The following CILP2 variants were observed in gnomAD, a reference collection of about 807,000 sequenced individuals.
CILP2 encodes the protein CILP-2.
A neutral mutation model predicts 45.6 loss-of-function variants in CILP2; 38 were observed. The ratio of observed to expected loss-of-function variants is 0.83; its 90% CI spans 0.64 to 1.09. The LOEUF (loss-of-function observed/expected upper bound fraction) is 1.09. Among genes scored for constraint, CILP2 ranks in the 50% least tolerant of loss-of-function variants. The pLI is 0.00. For missense variants in CILP2, 1,735 were observed against 1,662.2 expected, an observed-to-expected ratio of 1.04 and a Z score of -0.76; for synonymous variants, 780 against 723.5, an observed-to-expected ratio of 1.08 and a Z score of -1.25.
Position 19,545,286 on chromosome 19 carries a change from T to C in CILP2, c.2741T>C (p.Phe914Ser). 6.2e-7 allele frequency: 1 copy of C among 1,612,962 alleles called. No individual in the cohort carries two copies. Residue 914 changes from phenylalanine to serine, a missense_variant, in exon 8 of 8, where the codon TTC (phenylalanine) becomes TCC (serine). Coordinates refer to ENST00000291495, the MANE Select transcript of CILP2 (RefSeq NM_153221.2). Reference sequence around the variant, plus strand: ...AAGTACGAGTACAACGTGGTCCCCTTCCGAGAGGGCACACCTGCCTCCTGG... The same window carrying C: ...AAGTACGAGTACAACGTGGTCCCCTCCCGAGAGGGCACACCTGCCTCCTGG... ...ADKYEYNVVP[F>S]REGTPASWTG...
rs1472767769 is a variant in CILP2, at chr19:19,544,667, C to T, written c.2122C>T (p.Arg708Cys). The T allele has an allele frequency of 1.3e-6, 2 of 1,559,016 alleles. No homozygotes were observed. Among genetic ancestry groups the T allele is most frequent in the Non-Finnish European group, 1.7e-6 (2 of 1,160,234 alleles). ...RREGSSGPRV[R>C]REERVFLVGN... ...CGAGGGGTCCTCGGGCCCCCGGGTG[C>T]GCCGGGAGGAGCGCGTCTTCCTGGT... The change falls in exon 8 of 8, where the codon CGC (arginine) becomes TGC (cysteine). Residue 708 changes from arginine (R) to cysteine (C), a missense_variant. Coordinates refer to ENST00000291495, the MANE Select transcript of CILP2 (RefSeq NM_153221.2).
chr19:19,544,498 C>T lies in CILP2; in HGVS notation c.1953C>T (p.Gly651=). The T allele has an allele frequency of 6.2e-7, 1 of 1,602,486 alleles. No individual in the cohort carries two copies. The highest frequency in any genetic ancestry group is 8.5e-7 in the Non-Finnish European group (1 of 1,177,992). Residue 651 remains glycine (G), a synonymous_variant, in exon 8 of 8, where the codon GGC becomes GGT. Transcript: ENST00000291495. The stretch of plus-strand genomic sequence containing the variant: ...TCTCCGTGGACCTCCGTGCGCCCGG[C>T]TCCGCGGAGCAGCTGCAGGTGGGGC... ...GMFSVDLRAP[G]SAEQLQVGPV... is the part of the protein sequence containing the mutation.
At position 19,541,215 on chromosome 19, in the gene CILP2, G is replaced by T; in HGVS notation, c.561G>T (p.Glu187Asp). ...AGDACPGRPLEAQKCVRPRCP... is the reference protein window; with the variant it reads ...AGDACPGRPLDAQKCVRPRCP... The stretch of plus-strand genomic sequence containing the variant: ...ATGCGTGTCCCGGGCGTCCTCTGGA[G>T]GCGCAGAAGTGCGTGCGGCCTCGGT... Residue 187 changes from glutamate (E) to aspartate (D), a missense_variant, in exon 4 of 8, where the codon GAG becomes GAT. Transcript: ENST00000291495. 1 of 1,282,804 alleles carries T rather than the reference G, an allele frequency of 7.8e-7. No individual in the cohort carries two copies. Among genetic ancestry groups the T allele is most frequent in the Non-Finnish European group, 9.9e-7 (1 of 1,013,656 alleles). The allele number at this position is 1,282,804 out of a possible 1,614,324, so 79.5% of individuals were successfully genotyped here.
At chr19:19,542,713 TCG>T (rs2061248966) in intron 5 of CILP2, 63 bp downstream of exon 5, 1 of 1,495,242 alleles carries the variant, frequency 6.7e-7, no homozygotes. Context: ...GTTCTAGCAC[TCG>T]ATCAAGAGAG....
chr19:19,543,740 G>T lies in CILP2; in HGVS notation c.1195G>T (p.Asp399Tyr), dbSNP rs1446082232. The change falls in exon 8 of 8, where the codon GAC becomes TAC. Residue 399 changes from aspartate (D) to tyrosine (Y), a missense_variant. By Grantham distance (160) the Asp-to-Tyr change is radical. Transcript: ENST00000291495. ...AGAGTACCTGATCAAGCTCCCTGAG[G>T]ACTGTGGTCAGCCAGGTAGTGGCCC... The part of the protein sequence containing the change: ...PREYLIKLPE[D>Y]CGQPGSGPAY... 1.2e-6 allele frequency: 2 copies of T among 1,613,202 alleles called. No individual in the cohort carries two copies. Among genetic ancestry groups the T allele is most frequent in the Non-Finnish European group, 1.7e-6 (2 of 1,179,518 alleles).
At chr19:19,539,882 C>G in intron 2 of CILP2, 105 bp downstream of exon 2, 1 of 925,164 alleles carries the variant, frequency 1.1e-6, no homozygotes, top group Middle Eastern at 3.6e-4. Flanking sequence ...AGACGAAGGG[C>G]CCGGCGCCGT....
intron 3 of CILP2, 173 bp from the exon 4 acceptor site, chr19:19,540,918 C>A (rs1162653417): frequency 3.6e-6 from 2 of 563,172 alleles, no homozygotes; most frequent in Non-Finnish European, 5.3e-6. Context: ...CTTCGACAGG[C>A]GCGCCTAGGG....
chr19:19,538,339 C>T lies in CILP2; in HGVS notation c.-11C>T, dbSNP rs1375551096. On this transcript the variant is annotated 5_prime_UTR_variant, in exon 1 of 8. Coordinates refer to ENST00000291495, the MANE Select transcript of CILP2 (RefSeq NM_153221.2). Reference sequence around the variant, plus strand: ...GAGCCCGGACCCTCCCTCGGACGCTCTGCCCCGGCCATGGCGTCGCTGCTG... The same window carrying T: ...GAGCCCGGACCCTCCCTCGGACGCTTTGCCCCGGCCATGGCGTCGCTGCTG... 1.3e-6 allele frequency: 2 copies of T among 1,576,856 alleles called. No homozygotes were observed. Among genetic ancestry groups the T allele is most frequent in the East Asian group, 2.4e-5 (1 of 42,016 alleles).
rs568789103 is a variant in CILP2, at chr19:19,545,010, C to G, written c.2465C>G (p.Pro822Arg). The change falls in exon 8 of 8, where the codon CCT becomes CGT. Residue 822 changes from proline to arginine, a missense_variant. Transcript: ENST00000291495. ...GGCGGCGAGGAGCTGGAGCCGGCCC[C>G]TTCCTTGCCCCGCCCACTCCCGGCC... Reference protein sequence around the residue: ...TLGGEELEPAPSLPRPLPATV... With the variant: ...TLGGEELEPARSLPRPLPATV... 2 of 1,603,882 alleles carry G rather than the reference C, an allele frequency of 1.2e-6. No homozygotes were observed. Among genetic ancestry groups the G allele is most frequent in the Non-Finnish European group, 1.7e-6 (2 of 1,178,756 alleles).
chr19:19,545,112 G>A lies in CILP2; in HGVS notation c.2567G>A (p.Arg856His), dbSNP rs776481912. 6.8e-6 allele frequency: 11 copies of A among 1,611,936 alleles called. No homozygotes were observed. Among genetic ancestry groups the A allele is most frequent in the South Asian group, 4.4e-5 (4 of 91,002 alleles). ...GACCACGACGATCCCGCCTTCAAGC[G>A]TAACGGCTTCCGCATCAACCTCGCC... ...RTDHDDPAFK[R>H]NGFRINLAKP... Residue 856 changes from arginine (R) to histidine (H), a missense_variant, in exon 8 of 8, where the codon CGT (arginine) becomes CAT (histidine). By Grantham distance (29) the Arg-to-His change is conservative (BLOSUM62 0). Transcript: ENST00000291495.
chr19:19,540,975 C>T, intron 3 of CILP2, 116 bp from the exon 4 acceptor site: 6 of 976,216 alleles, frequency 6.1e-6, no homozygotes, highest in Non-Finnish European at 8.0e-6. Context: ...GAGTGTCCGC[C>T]CTTGGATGCA....
At position 19,540,087 on chromosome 19, in the gene CILP2, G is replaced by C. The variant is rs1211824401; in HGVS notation, c.164-117G>C. ...GGCCGCTGGCTCGGGTCGTGGGCGCGCTCGGCTAGCCGGTGCCCACCGGGG... is the reference window on the plus strand; with the variant it reads ...GGCCGCTGGCTCGGGTCGTGGGCGCCCTCGGCTAGCCGGTGCCCACCGGGG... On this transcript the variant is annotated intron_variant, in intron 2 of 7. Coordinates refer to ENST00000291495, the MANE Select transcript of CILP2 (RefSeq NM_153221.2). The C allele has an allele frequency of 3.0e-6, 4 of 1,343,502 alleles. No homozygotes were observed. The East Asian group carries it at 1.1e-4, about 37-fold the overall frequency. 83.2% of individuals were successfully genotyped at this position (1,343,502 alleles called of 1,614,324 possible).
chr19:19,543,528 C>T, intron 7 of CILP2, 123 bp downstream of exon 7: 2 of 1,363,706 alleles, frequency 1.5e-6, no homozygotes, highest in East Asian at 2.3e-5. Context: ...CTCCACTGAG[C>T]CCCCATACCA....
rs752963534 is a variant in CILP2, at chr19:19,545,838, C to T, written c.3293C>T (p.Thr1098Ile). The change falls in exon 8 of 8, where the codon ACA becomes ATA. Residue 1098 changes from threonine to isoleucine, a missense_variant. Coordinates refer to ENST00000291495, the MANE Select transcript of CILP2 (RefSeq NM_153221.2). ...FSREMKADAG[T>I]AVTFQCREPP... ...AGAGAGATGAAGGCTGATGCCGGCA[C>T]AGCCGTCACCTTCCAGTGCCGGGAG... is the stretch of plus-strand genomic sequence containing the variant. 9 of 1,583,866 alleles carry T rather than the reference C, an allele frequency of 5.7e-6. No homozygotes were observed. The East Asian group carries it at 6.8e-5, about 12-fold the overall frequency.
rs1429102348 is a variant in CILP2 at position 19,544,411 on chromosome 19, C to T, written c.1866C>T (p.Pro622=). 1.2e-6 allele frequency: 2 copies of T among 1,610,578 alleles called. No individual in the cohort carries two copies. The highest frequency in any genetic ancestry group is 1.1e-5 in the South Asian group (1 of 91,016). The change falls in exon 8 of 8, where the codon CCC becomes CCT. Residue 622 remains proline, a synonymous_variant. Transcript: ENST00000291495. ...ACCTCACCTCGGCGGCGTCTGCCCC[C>T]AGTGACCTGCGCTTCGTGGACAGCG... is the stretch of plus-strand genomic sequence containing the variant. ...PRDLTSAASA[P]SDLRFVDSDG... is the part of the protein sequence containing the mutation.
rs765982357 is a variant in CILP2 at position 19,544,920 on chromosome 19, G to A, written c.2375G>A (p.Cys792Tyr). 1.9e-6 allele frequency: 3 copies of A among 1,590,010 alleles called. No individual in the cohort carries two copies. The highest frequency in any genetic ancestry group is 2.6e-6 in the Non-Finnish European group (3 of 1,175,872). Residue 792 changes from cysteine to tyrosine, a missense_variant, in exon 8 of 8, where the codon TGC becomes TAC. Physicochemically the swap from Cys to Tyr is radical, Grantham distance 194. Coordinates refer to ENST00000291495, the MANE Select transcript of CILP2 (RefSeq NM_153221.2). ...DSAVTGPNGA[C>Y]LPAFCDADRP... ...GCGGTCACCGGCCCCAATGGCGCCTGCCTCCCCGCCTTCTGCGACGCCGAC... is the reference window on the plus strand; with the variant it reads ...GCGGTCACCGGCCCCAATGGCGCCTACCTCCCCGCCTTCTGCGACGCCGAC...
At position 19,544,160 on chromosome 19, in the gene CILP2, C is replaced by T. The variant is rs1185186437; in HGVS notation, c.1615C>T (p.Pro539Ser). 3.1e-6 allele frequency: 5 copies of T among 1,613,632 alleles called. No individual in the cohort carries two copies. Among genetic ancestry groups the T allele is most frequent in the Non-Finnish European group, 4.2e-6 (5 of 1,179,886 alleles). ...GEFMDAVRVLPFDPRGAGVYH... is the reference protein window; with the variant it reads ...GEFMDAVRVLSFDPRGAGVYH... ...GTTCATGGACGCTGTCCGGGTCTTG[C>T]CTTTTGATCCTCGAGGTGCCGGCGT... The change falls in exon 8 of 8, where the codon CCT (proline) becomes TCT (serine). Residue 539 changes from proline to serine, a missense_variant. Coordinates refer to ENST00000291495, the MANE Select transcript of CILP2 (RefSeq NM_153221.2).
chr19:19,539,585 G>A, intron 1 of CILP2, 94 bp from the exon 2 acceptor site: 1 of 776,840 alleles, frequency 1.3e-6, no homozygotes, highest in Non-Finnish European at 1.9e-6. Flanking sequence ...AAAAAAGGGG[G>A]GGGATGATCG....
rs61235376 is a variant in CILP2, at chr19:19,539,580, A to AAGG, written c.65-99_65-98insAGG. 1.0e-3 allele frequency: 554 copies of AAGG among 553,796 alleles called. 1 individual carries two copies. Among genetic ancestry groups the AAGG allele is most frequent in the Middle Eastern group, 3.1e-3 (7 of 2,272 alleles). The allele number at this position is 553,796 out of a possible 1,614,324, so 34.3% of individuals were successfully genotyped here. A position where few individuals can be genotyped will look rare whatever the true frequency, so the allele number is the denominator to read the frequency against. ...TTCCGTCTCAAAAAAAAAAAAAAAA[A>AAGG]GGGGGGGGATGATCGTGGCTGCACC... On this transcript the variant is annotated intron_variant, in intron 1 of 7. Transcript: ENST00000291495.
Sources: allele counts gnomAD v4.1 joint callset, GRCh38; gene constraint gnomAD v4.1.1; transcripts MANE v1.5; gene names NCBI Gene and HGNC (gene_info 2026-07-23, HGNC 2026-07-21).